Variants in IMMP2L observed in about 807,000 individuals in gnomAD.
The protein encoded by IMMP2L is inner mitochondrial membrane peptidase subunit 2.
In IMMP2L, 18 loss-of-function variants were observed where a neutral mutation model predicts 19.3. That is an observed-to-expected ratio of 0.93 (90% CI 0.64 to 1.38). IMMP2L has a LOEUF of 1.38. IMMP2L is among the 40% of genes most tolerant of loss of function. IMMP2L has a pLI of 0.00. For missense variants in IMMP2L, 233 were observed against 218.2 expected (o/e 1.07, Z -0.43); for synonymous variants, 76 against 73.0 (o/e 1.04, Z -0.21).
At chr7:110,717,451 C>A (rs999926058) in intron 5 of IMMP2L, among the ~76,000 whole-genome samples, 4 of 152,128 alleles carry the variant, frequency 2.6e-5, no homozygotes, top group Non-Finnish European at 5.9e-5. Flanking sequence ...GACAACAGAG[C>A]AAGACTACGT....
rs1404123518 is a variant in IMMP2L at position 111,152,240 on chromosome 7, C to A, written c.240-188675G>T. On this transcript the variant is annotated intron_variant, in intron 3 of 5. Coordinates refer to ENST00000405709, the MANE Select transcript of IMMP2L (RefSeq NM_032549.4). ...TATTAATTGCTATTAATTACATAAT[C>A]ATAATGAATTTGAAGTTTTCAATGC... Among the ~76,000 whole-genome samples the A allele has an allele frequency of 5.9e-5, 9 of 152,068 alleles. No homozygotes were observed. In the East Asian group the frequency reaches 1.7e-3, roughly 29 times the overall value.
At chr7:110,686,555 G>T (rs938224214) in intron 5 of IMMP2L, among the ~76,000 whole-genome samples, 7 of 151,964 alleles carry the variant, frequency 4.6e-5, no homozygotes, top group Non-Finnish European at 8.8e-5. Context: ...ATCATATTCA[G>T]TTGTCTCAAC....
chr7:111,273,377 C>A (rs898247019), intron 3 of IMMP2L, among the ~76,000 whole-genome samples: 5 of 152,032 alleles, frequency 3.3e-5, no homozygotes, highest in Admixed American at 2.6e-4. Flanking sequence ...ACGAGAAAGA[C>A]AGGGATCAGA....
intron 3 of IMMP2L, among the ~76,000 whole-genome samples, chr7:111,371,113 G>C (rs1390040174): frequency 2.0e-5 from 3 of 151,888 alleles, no homozygotes; most frequent in Non-Finnish European, 2.9e-5. Flanking sequence ...TACATGATGA[G>C]GTAAGGAAGA....
chr7:110,920,519 G>A lies in IMMP2L; in HGVS notation c.306-33824C>T, dbSNP rs532919878. The stretch of plus-strand genomic sequence containing the variant: ...ATTTGGCTTTTTGCTTTTTTCAGAA[G>A]GAGCTTCCCTTAGTATGCTCTATAT... On this transcript the variant is annotated intron_variant, in intron 4 of 5. Coordinates refer to ENST00000405709, the MANE Select transcript of IMMP2L (RefSeq NM_032549.4). 2.6e-5 allele frequency among the ~76,000 whole-genome samples: 4 copies of A among 152,290 alleles called. No individual in the cohort carries two copies. The South Asian group carries it at 8.3e-4, about 32-fold the overall frequency.
chr7:111,379,119 G>A (rs1830960688), intron 3 of IMMP2L, among the ~76,000 whole-genome samples: 1 of 142,696 alleles, frequency 7.0e-6, no homozygotes, highest in Non-Finnish European at 1.5e-5. Context: ...ATCAACTGAA[G>A]AACACAATAC....
intron 1 of IMMP2L, among the ~76,000 whole-genome samples, chr7:111,526,810 G>A (rs1485143820): frequency 6.6e-6 from 1 of 152,142 alleles, no homozygotes; most frequent in Non-Finnish European, 1.5e-5. Flanking sequence ...ATCATGCCCT[G>A]CATGCATGGA....
intron 4 of IMMP2L, among the ~76,000 whole-genome samples, chr7:110,890,980 C>T (rs1810732605): frequency 6.6e-6 from 1 of 152,054 alleles, no homozygotes. Context: ...TACATATACA[C>T]ACACACACTC....
chr7:111,114,133 TACACACACACAC>T (rs71151831), intron 3 of IMMP2L, among the ~76,000 whole-genome samples: 6 of 146,666 alleles, frequency 4.1e-5, no homozygotes, highest in East Asian at 2.0e-4. Context: ...CACATAAATC[TACACACACACAC>T]ACACACACAC....
chr7:110,842,705 G>A (rs1484243711), intron 5 of IMMP2L, among the ~76,000 whole-genome samples: 2 of 152,184 alleles, frequency 1.3e-5, no homozygotes, highest in African/African-American at 4.8e-5. Flanking sequence ...GACGGCATTT[G>A]CAAAAGGATA....
chr7:110,980,429 C>A (rs1821174108), intron 3 of IMMP2L, among the ~76,000 whole-genome samples: 1 of 151,502 alleles, frequency 6.6e-6, no homozygotes, highest in South Asian at 2.1e-4. Context: ...GGGGTTTCAC[C>A]GTGGTCTCGA....
At chr7:111,082,721 A>G (rs1251729136) in intron 3 of IMMP2L, among the ~76,000 whole-genome samples, 1 of 152,174 alleles carries the variant, frequency 6.6e-6, no homozygotes, top group East Asian at 1.9e-4. Context: ...AGCACTGAAT[A>G]TTCATTGCAT....
In IMMP2L at chr7:110,757,365, C is replaced by T. The variant is rs1364087705; in HGVS notation, c.409-93644G>A. Among the ~76,000 whole-genome samples, 1 of 152,060 alleles carries T rather than the reference C, an allele frequency of 6.6e-6. No individual in the cohort carries two copies. The highest frequency in any genetic ancestry group is 2.4e-5 in the African/African-American group (1 of 41,416). On this transcript the variant is annotated intron_variant, in intron 5 of 5. Coordinates refer to ENST00000405709, the MANE Select transcript of IMMP2L (RefSeq NM_032549.4). The surrounding 1 kb of genome is among the most constrained non-coding windows in gnomAD (Gnocchi z 4.2). ...TGCATTTTCATTTTGCACTGTACCCCTCAAATGATGCAGTTGACTCTGGTT... is the reference window on the plus strand; with the variant it reads ...TGCATTTTCATTTTGCACTGTACCCTTCAAATGATGCAGTTGACTCTGGTT...
At chr7:111,043,405 C>T (rs776464939) in intron 3 of IMMP2L, among the ~76,000 whole-genome samples, 15 of 148,712 alleles carry the variant, frequency 1.0e-4, no homozygotes, top group Non-Finnish European at 1.5e-4. Context: ...ACGTTAACAT[C>T]TCAACAGTTT....
In IMMP2L at chr7:110,924,280, G is replaced by A. The variant is rs1342790583; in HGVS notation, c.306-37585C>T. Among the ~76,000 whole-genome samples the A allele has an allele frequency of 1.3e-5, 2 of 152,158 alleles. No homozygotes were observed. The highest frequency in any genetic ancestry group is 3.9e-4 in the East Asian group (2 of 5,192). On this transcript the variant is annotated intron_variant, in intron 4 of 5. Transcript: ENST00000405709. The surrounding 1 kb of genome is among the most constrained non-coding windows in gnomAD (Gnocchi z 4.2). ...GCAAAATTGAGAAGAGGCTTCTGGT[G>A]AAAACGTTTGTAGTTCTGCAGGCAG... is the stretch of plus-strand genomic sequence containing the variant.
At chr7:111,493,069 G>A (rs1459501184) in intron 2 of IMMP2L, among the ~76,000 whole-genome samples, 3 of 152,062 alleles carry the variant, frequency 2.0e-5, no homozygotes, top group Non-Finnish European at 2.9e-5. Flanking sequence ...TTTTAAAAGC[G>A]TATTTAAATC....
chr7:111,148,382 G>C (rs1803710454), intron 3 of IMMP2L, among the ~76,000 whole-genome samples: 2 of 152,016 alleles, frequency 1.3e-5, no homozygotes, highest in Admixed American at 1.3e-4. Context: ...GGGAATGATT[G>C]CTAGAGTGTG....
rs978112430 is a variant in IMMP2L, at chr7:111,380,812, T to C, written c.239+106426A>G. On this transcript the variant is annotated intron_variant, in intron 3 of 5. Transcript: ENST00000405709. ...TGATATCATATTGTATCATCAGACA[T>C]TGTAAAAAGAAATACCAGGCATAAA... Among the ~76,000 whole-genome samples, 6 of 152,064 alleles carry C rather than the reference T, an allele frequency of 3.9e-5. No homozygotes were observed. The South Asian group carries it at 1.2e-3, about 31-fold the overall frequency.
intron 3 of IMMP2L, among the ~76,000 whole-genome samples, chr7:111,318,009 T>C (rs1333041996): frequency 6.6e-6 from 1 of 152,176 alleles, no homozygotes; most frequent in Non-Finnish European, 1.5e-5. Flanking sequence ...TGAGCACCAA[T>C]TATGGTAAAT....
Sources: gnomAD v4.1 joint callset for allele counts (sites outside exome capture counted in the v4.1 genomes callset) on GRCh38, gnomAD v4.1.1 for gene constraint, Gnocchi (gnomAD v3.1) non-coding constraint, MANE v1.5 for transcripts, NCBI Gene and HGNC (gene_info 2026-07-23, HGNC 2026-07-21) for gene names.